EMSY: variants seen among roughly 807,000 people sequenced by gnomAD.
EMSY encodes BRCA2-interacting transcriptional repressor EMSY.
EMSY carries 26 observed loss-of-function variants against 134.6 expected under a neutral mutation model. The observed-to-expected ratio is 0.19, with a 90% CI of 0.14 to 0.27. The LOEUF (loss-of-function observed/expected upper bound fraction) is 0.27, where lower values mean the gene tolerates loss of function less well. EMSY is among the 10% of genes least tolerant of loss of function. The pLI, the probability that EMSY is intolerant of heterozygous loss-of-function variation, is 1.00. For missense variants in EMSY, 1,305 were observed against 1,611.4 expected (o/e 0.81, Z 3.26); for synonymous variants, 579 against 577.8 (o/e 1.00, Z -0.03).
At chr11:76,472,149 T>C (rs956875997) in intron 7 of EMSY, among the ~76,000 whole-genome samples, 18 of 152,216 alleles carry the variant, frequency 1.2e-4, no homozygotes, top group African/African-American at 4.3e-4. Context: ...TACTTGAAGG[T>C]ATCAGCTTTG....
At chr11:76,456,569 C>T (rs1452546849) in intron 4 of EMSY, among the ~76,000 whole-genome samples, 1 of 152,150 alleles carries the variant, frequency 6.6e-6, no homozygotes, top group East Asian at 1.9e-4. Flanking sequence ...ATTTTTTCCT[C>T]TAACAATGAG....
intron 9 of EMSY, among the ~76,000 whole-genome samples, chr11:76,502,983 A>G (rs537040589): frequency 2.6e-3 from 396 of 152,210 alleles, no homozygotes; most frequent in African/African-American, 9.1e-3. Flanking sequence ...AGCCAAAACA[A>G]TCTTTAAAAA....
At chr11:76,499,697 GTTTCTTT>G in intron 9 of EMSY, among the ~76,000 whole-genome samples, 1 of 152,106 alleles carries the variant, frequency 6.6e-6, no homozygotes, top group East Asian at 1.9e-4. Context: ...TTTGTTTCTT[GTTTCTTT>G]TTTCTTGCCT....
Position 76,510,408 on chromosome 11 carries a change from C to A in EMSY, c.1364-2978C>A, listed in dbSNP as rs74359296. On this transcript the variant is annotated intron_variant, in intron 9 of 20. Coordinates refer to ENST00000334736, the Ensembl canonical transcript of EMSY. Reference sequence around the variant, plus strand: ...TTCACAAATAAAAATGCCATTGATACAGACCTTAGAAACTGGAACCTTGCA... The same window carrying A: ...TTCACAAATAAAAATGCCATTGATAAAGACCTTAGAAACTGGAACCTTGCA... Among the ~76,000 whole-genome samples, 1,412 of 152,298 alleles carry A rather than the reference C, an allele frequency of 9.3e-3. 16 individuals carry two copies. The highest frequency in any genetic ancestry group is 0.016 in the Non-Finnish European group (1,114 of 68,018).
Position 76,464,099 on chromosome 11 carries a change from C to G in EMSY, c.831+19C>G. On this transcript the variant is annotated intron_variant, in intron 7 of 20. Coordinates refer to ENST00000334736, the Ensembl canonical transcript of EMSY. Reference sequence around the variant, plus strand: ...ACAGAAGGTATGTGGTGGAGGGAGTCTCTGCCTGCCAATTGTTTCTTTCAG... The same window carrying G: ...ACAGAAGGTATGTGGTGGAGGGAGTGTCTGCCTGCCAATTGTTTCTTTCAG... The G allele has an allele frequency of 6.2e-7, 1 of 1,613,256 alleles. No homozygotes were observed. Among genetic ancestry groups the G allele is most frequent in the Non-Finnish European group, 8.5e-7 (1 of 1,179,486 alleles).
chr11:76,492,446 C>T (rs1949460977), intron 8 of EMSY, among the ~76,000 whole-genome samples: 1 of 152,198 alleles, frequency 6.6e-6, no homozygotes, highest in South Asian at 2.1e-4. Context: ...GCACTCCAGC[C>T]TGGGCCACAG....
intron 9 of EMSY, among the ~76,000 whole-genome samples, chr11:76,510,043 C>G (rs556469649): frequency 6.6e-6 from 1 of 152,130 alleles, no homozygotes; most frequent in Admixed American, 6.5e-5. Flanking sequence ...CAGAACAAGA[C>G]GCTGTCTCTA....
At chr11:76,518,698 TA>T (rs1188374533) in intron 11 of EMSY, among the ~76,000 whole-genome samples, 36 of 125,932 alleles carry the variant, frequency 2.9e-4, no homozygotes, top group African/African-American at 1.1e-3. Context: ...TATATATATA[TA>T]TATATTTTTT....
At chr11:76,549,373 G>A (rs1049687898) in intron 20 of EMSY, among the ~76,000 whole-genome samples, 1 of 152,130 alleles carries the variant, frequency 6.6e-6, no homozygotes, top group African/African-American at 2.4e-5. Context: ...TTTAAAGGAT[G>A]TCTAATAAAG....
intron 9 of EMSY, among the ~76,000 whole-genome samples, chr11:76,509,895 C>A (rs556694846): frequency 6.6e-6 from 1 of 152,186 alleles, no homozygotes; most frequent in South Asian, 2.1e-4. Context: ...TTTCTCTATT[C>A]AAAAAAATAA....
At chr11:76,495,689 A>T (rs568065194) in intron 8 of EMSY, among the ~76,000 whole-genome samples, 107 of 152,056 alleles carry the variant, frequency 7.0e-4, no homozygotes, top group Admixed American at 2.9e-3. Context: ...TTTTATTAAA[A>T]TTTTTTTTCC....
chr11:76,546,095 A>G, exon 20 of EMSY: 1 of 1,614,056 alleles, frequency 6.2e-7, no homozygotes, highest in Non-Finnish European at 8.5e-7. Context: ...CCCTCCACCC[A>G]CATGGTGGTG....
chr11:76,491,558 A>G (rs934834592), intron 8 of EMSY, among the ~76,000 whole-genome samples: 1 of 152,186 alleles, frequency 6.6e-6, no homozygotes, highest in Admixed American at 6.5e-5. Context: ...TCTGACAGCC[A>G]TGCCAGGGCC....
At chr11:76,489,583 T>G (rs186294125) in intron 8 of EMSY, among the ~76,000 whole-genome samples, 1 of 151,578 alleles carries the variant, frequency 6.6e-6, no homozygotes, top group Non-Finnish European at 1.5e-5. Context: ...CCAACTTTCT[T>G]ATGATTACTG....
chr11:76,532,357 T>G (rs1237063409), intron 14 of EMSY, among the ~76,000 whole-genome samples: 1 of 151,800 alleles, frequency 6.6e-6, no homozygotes, highest in Non-Finnish European at 1.5e-5. Context: ...AAATGTTTTT[T>G]TTTTTTTTTT....
chr11:76,549,861 T>C (rs1310027525), intron 20 of EMSY, 91 bp from the exon 22 acceptor site: 6 of 1,249,944 alleles, frequency 4.8e-6, no homozygotes, highest in Non-Finnish European at 4.4e-6. Context: ...AAAATGTCAG[T>C]TTTCTTTTTT....
intron 8 of EMSY, among the ~76,000 whole-genome samples, chr11:76,493,795 T>C (rs1415020319): frequency 6.6e-6 from 1 of 152,234 alleles, no homozygotes; most frequent in African/African-American, 2.4e-5. Context: ...TCATTCTTCC[T>C]GGATGCGAGA....
At chr11:76,458,011 T>A (rs969544175) in intron 4 of EMSY, 172 bp from the exon 6 acceptor site, 19 of 496,926 alleles carry the variant, frequency 3.8e-5, no homozygotes, top group African/African-American at 3.4e-4. Context: ...TGTGTGACAT[T>A]CCTTGAATTA....
At chr11:76,484,971 C>T (rs913080089) in intron 8 of EMSY, among the ~76,000 whole-genome samples, 7 of 150,298 alleles carry the variant, frequency 4.7e-5, no homozygotes, top group Admixed American at 4.7e-4. Flanking sequence ...AATTCCTGGA[C>T]ACATACACCC....
Sources: allele counts gnomAD v4.1 joint callset (sites outside exome capture counted in the v4.1 genomes callset), GRCh38; gene constraint gnomAD v4.1.1; transcripts MANE v1.5; gene names NCBI Gene and HGNC (gene_info 2026-07-23, HGNC 2026-07-21).